NDFIP1: variants seen among roughly 807,000 people sequenced by gnomAD.
NDFIP1 encodes the protein NEDD4 family-interacting protein 1.
A neutral mutation model predicts 28.8 loss-of-function variants in NDFIP1; 7 were observed. The ratio of observed to expected loss-of-function variants is 0.24; its 90% CI spans 0.14 to 0.46. The LOEUF is 0.46. NDFIP1 is among the 20% of genes least tolerant of loss of function. NDFIP1 has a pLI of 0.99. For synonymous variants in NDFIP1, 92 were observed against 101.0 expected, an observed-to-expected ratio of 0.91 and a Z score of 0.53; for missense variants, 194 against 269.1, an observed-to-expected ratio of 0.72 and a Z score of 1.95.
chr5:142,125,110 G>A (rs139286296), intron 1 of NDFIP1, among the ~76,000 whole-genome samples: 17 of 152,134 alleles, frequency 1.1e-4, no homozygotes, highest in African/African-American at 3.4e-4. Flanking sequence ...ACCCACACCC[G>A]GCCTCTTGTA....
At chr5:142,117,716 G>A (rs961764856) in intron 1 of NDFIP1, among the ~76,000 whole-genome samples, 3 of 137,724 alleles carry the variant, frequency 2.2e-5, no homozygotes, top group Non-Finnish European at 3.1e-5. Flanking sequence ...AGTTTGGTGT[G>A]TGTTCTACAG....
chr5:142,114,602 T>C (rs2126909874), intron 1 of NDFIP1, among the ~76,000 whole-genome samples: 1 of 152,320 alleles, frequency 6.6e-6, no homozygotes, highest in South Asian at 2.1e-4. Context: ...TTGAAACGAA[T>C]CCTAGAAATC....
chr5:142,111,607 A>G lies in NDFIP1; in HGVS notation c.63+2570A>G, dbSNP rs77598063. Reference sequence around the variant, plus strand: ...GTCACACAGGGCTGTTCTGACTTCTATTTGATCTGGTTAATCAAATTGAGC... The same window carrying G: ...GTCACACAGGGCTGTTCTGACTTCTGTTTGATCTGGTTAATCAAATTGAGC... On this transcript the variant is annotated intron_variant, in intron 1 of 7. Transcript: ENST00000253814. 5.9e-3 allele frequency among the ~76,000 whole-genome samples: 897 copies of G among 152,332 alleles called. 7 individuals are homozygous for G. Among genetic ancestry groups the G allele is most frequent in the Middle Eastern group, 0.017 (5 of 294 alleles).
intron 1 of NDFIP1, among the ~76,000 whole-genome samples, chr5:142,120,333 C>A (rs908201962): frequency 6.6e-6 from 1 of 152,178 alleles, no homozygotes; most frequent in African/African-American, 2.4e-5. Flanking sequence ...GTTTATAAAT[C>A]TCATTTTCAC....
chr5:142,131,788 A>T lies in NDFIP1; in HGVS notation c.64-20A>T. The T allele has an allele frequency of 6.5e-7, 1 of 1,550,224 alleles. No homozygotes were observed. The highest frequency in any genetic ancestry group is 2.3e-5 in the East Asian group (1 of 42,852). On this transcript the variant is annotated intron_variant, in intron 1 of 7. Transcript: ENST00000253814. ...CTAATTGGCTTTATGCTTACATTAA[A>T]ATATGAAATTTTTATTTAGTTGCAG...
chr5:142,120,051 G>A (rs1347548616), intron 1 of NDFIP1, among the ~76,000 whole-genome samples: 1 of 152,190 alleles, frequency 6.6e-6, no homozygotes, highest in Non-Finnish European at 1.5e-5. Context: ...TGCCTCCCGG[G>A]TTGAAGCAAT....
At chr5:142,114,472 A>G (rs1311571601) in intron 1 of NDFIP1, among the ~76,000 whole-genome samples, 2 of 152,158 alleles carry the variant, frequency 1.3e-5, no homozygotes, top group Admixed American at 6.6e-5. Flanking sequence ...ACTTTTTACT[A>G]TGGAAATTTC....
intron 7 of NDFIP1, among the ~76,000 whole-genome samples, chr5:142,149,430 A>C (rs1596797145): frequency 8.4e-6 from 1 of 119,176 alleles, no homozygotes; most frequent in Non-Finnish European, 1.7e-5. Context: ...AGGCTATTGG[A>C]TTCCTTTTTT....
At chr5:142,120,553 T>G (rs1262527715) in intron 1 of NDFIP1, among the ~76,000 whole-genome samples, 1 of 152,226 alleles carries the variant, frequency 6.6e-6, no homozygotes, top group Non-Finnish European at 1.5e-5. Flanking sequence ...CAAACAACAT[T>G]TTACTCACAT....
At chr5:142,124,836 T>C (rs925553995) in intron 1 of NDFIP1, among the ~76,000 whole-genome samples, 2 of 152,188 alleles carry the variant, frequency 1.3e-5, no homozygotes, top group African/African-American at 4.8e-5. Context: ...AAGATTTTTT[T>C]TTTTTTGAGA....
intron 1 of NDFIP1, among the ~76,000 whole-genome samples, chr5:142,113,780 C>T (rs1757038658): frequency 6.6e-6 from 1 of 152,172 alleles, no homozygotes; most frequent in South Asian, 2.1e-4. Flanking sequence ...CCGTAGGTAC[C>T]TCTCATAAGT....
chr5:142,137,924 C>G, intron 5 of NDFIP1, 66 bp downstream of exon 5: 2 of 1,490,220 alleles, frequency 1.3e-6, no homozygotes, highest in East Asian at 4.7e-5. Flanking sequence ...TTTGAATATT[C>G]GATTTTTCAT....
intron 3 of NDFIP1, chr5:142,134,197 T>C (rs1392688686): frequency 2.0e-5 from 3 of 152,208 alleles, no homozygotes; most frequent in Admixed American, 2.0e-4. Flanking sequence ...AGAGGACTTG[T>C]GTGGTGTTTT....
At chr5:142,121,634 C>T (rs1596784376) in intron 1 of NDFIP1, among the ~76,000 whole-genome samples, 1 of 152,160 alleles carries the variant, frequency 6.6e-6, no homozygotes, top group Non-Finnish European at 1.5e-5. Flanking sequence ...AAATGCACTC[C>T]TTGTGCTGAG....
intron 1 of NDFIP1, among the ~76,000 whole-genome samples, chr5:142,120,287 ACAGCCATAC>A (rs1024483770): frequency 1.3e-5 from 2 of 152,184 alleles, no homozygotes; most frequent in Admixed American, 1.3e-4. Flanking sequence ...AATCTCGTCT[ACAGCCATAC>A]CACTCTGAAC....
chr5:142,126,024 TTAGA>T (rs533787652), intron 1 of NDFIP1, among the ~76,000 whole-genome samples: 41 of 152,316 alleles, frequency 2.7e-4, no homozygotes, highest in Middle Eastern at 3.4e-3. Context: ...TTAATAACAA[TTAGA>T]TAGAGAATTT....
Position 142,152,577 on chromosome 5 carries a change from G to A in NDFIP1, c.*849G>A, listed in dbSNP as rs1757458521. On this transcript the variant is annotated 3_prime_UTR_variant, in exon 8 of 8. Coordinates refer to ENST00000253814, the MANE Select transcript of NDFIP1 (RefSeq NM_030571.4). ...GAGTAAGGAGAGGATTAGGTACTTA[G>A]GAGCAAAGAAAGAAGTAGCTTGGAA... is the stretch of plus-strand genomic sequence containing the variant. The A allele has an allele frequency of 7.3e-6, 1 of 137,264 alleles. No individual in the cohort carries two copies. Among genetic ancestry groups the A allele is most frequent in the South Asian group, 2.3e-4 (1 of 4,390 alleles). 8.5% of individuals were successfully genotyped at this position (137,264 alleles called of 1,614,324 possible). A position where few individuals can be genotyped will look rare whatever the true frequency, so the allele number is the denominator to read the frequency against.
At chr5:142,124,379 A>G (rs1322645322) in intron 1 of NDFIP1, among the ~76,000 whole-genome samples, 2 of 152,216 alleles carry the variant, frequency 1.3e-5, no homozygotes, top group Non-Finnish European at 2.9e-5. Flanking sequence ...GGACCTATGT[A>G]AAGAATAGGA....
rs149225129 is a variant in NDFIP1, at chr5:142,129,875, C to T, written c.64-1933C>T. On this transcript the variant is annotated intron_variant, in intron 1 of 7. Transcript: ENST00000253814. ...TCAGTGAGCCGAGATCCCACCATTG[C>T]TCTCCAGCCTGGGCAACAAAAGCGA... Among the ~76,000 whole-genome samples the T allele has an allele frequency of 2.1e-3, 308 of 145,532 alleles. 3 individuals are homozygous for T. The highest frequency in any genetic ancestry group is 7.5e-3 in the African/African-American group (295 of 39,284).
Sources: gnomAD v4.1 joint callset for allele counts (sites outside exome capture counted in the v4.1 genomes callset) on GRCh38, gnomAD v4.1.1 for gene constraint, MANE v1.5 for transcripts, NCBI Gene and HGNC (gene_info 2026-07-23, HGNC 2026-07-21) for gene names.